Variants in GMPR observed in about 807,000 individuals in gnomAD.
GMPR encodes the protein GMP reductase 1.
GMPR carries 31 observed loss-of-function variants against 38.4 expected under a neutral mutation model. The observed-to-expected ratio is 0.81, with a 90% CI of 0.61 to 1.09. The LOEUF is 1.09. Among genes scored for constraint, GMPR ranks in the 50% least tolerant of loss-of-function variants. GMPR has a pLI of 0.00. For missense variants in GMPR, 468 were observed against 453.7 expected (o/e 1.03, Z -0.29); for synonymous variants, 162 against 173.3 (o/e 0.93, Z 0.51).
chr6:16,254,863 G>A (rs1387055223), intron 4 of GMPR, 128 bp downstream of exon 4: 23 of 653,530 alleles, frequency 3.5e-5, no homozygotes, highest in Non-Finnish European at 6.2e-5. Context: ...AAGATTAATT[G>A]AGGATCATTT....
chr6:16,253,949 C>T (rs914868085), intron 3 of GMPR, among the ~76,000 whole-genome samples: 3 of 149,680 alleles, frequency 2.0e-5, no homozygotes, highest in African/African-American at 7.4e-5. Context: ...TGGGGTTTGG[C>T]GGACGGAACC....
At chr6:16,266,859 C>G (rs1019798017) in intron 4 of GMPR, among the ~76,000 whole-genome samples, 2 of 151,468 alleles carry the variant, frequency 1.3e-5, no homozygotes, top group Admixed American at 1.3e-4. Context: ...CTGAAGTCAG[C>G]GAGACCACGA....
At chr6:16,249,003 A>T (rs542079749) in intron 2 of GMPR, among the ~76,000 whole-genome samples, 2 of 152,262 alleles carry the variant, frequency 1.3e-5, no homozygotes, top group East Asian at 3.9e-4. Flanking sequence ...TACTAAAGTC[A>T]TAGAAGTTTA....
At chr6:16,243,767 G>A (rs1177425824) in intron 1 of GMPR, among the ~76,000 whole-genome samples, 2 of 152,096 alleles carry the variant, frequency 1.3e-5, no homozygotes, top group South Asian at 2.1e-4. Flanking sequence ...TGTTCCTTAG[G>A]CCACGCTCCA....
intron 1 of GMPR, among the ~76,000 whole-genome samples, chr6:16,240,857 CG>C (rs1291527762): frequency 6.6e-6 from 1 of 152,090 alleles, no homozygotes; most frequent in Non-Finnish European, 1.5e-5. Flanking sequence ...TTGCCAGCCA[CG>C]GGCCTGGAGA....
chr6:16,265,597 CTG>C (rs1759180392), intron 4 of GMPR, among the ~76,000 whole-genome samples: 1 of 145,308 alleles, frequency 6.9e-6, no homozygotes, highest in African/African-American at 2.4e-5. Flanking sequence ...AATCAGCACT[CTG>C]TAAAAATAGC....
rs1759578419 is a variant in GMPR, at chr6:16,281,730, G to T, written c.654+2840G>T. On this transcript the variant is annotated intron_variant, in intron 6 of 8. Transcript: ENST00000259727. ...TCACCATGCTGGCCAGGCTGGTCTC[G>T]AACTCCTGACCTCATGATCCGCCCG... Among the ~76,000 whole-genome samples the T allele has an allele frequency of 2.6e-5, 4 of 151,572 alleles. No individual in the cohort carries two copies. In the South Asian group the frequency reaches 6.3e-4, roughly 24 times the overall value.
intron 4 of GMPR, among the ~76,000 whole-genome samples, chr6:16,256,818 C>T (rs1023410565): frequency 1.3e-5 from 2 of 152,206 alleles, no homozygotes; most frequent in African/African-American, 4.8e-5. Context: ...ATTGCTGACA[C>T]AGAGCTTCTA....
At chr6:16,266,555 C>T (rs1428932132) in intron 4 of GMPR, among the ~76,000 whole-genome samples, 1 of 151,364 alleles carries the variant, frequency 6.6e-6, no homozygotes. Context: ...GTAATCCTGG[C>T]ACTTTGGGAG....
At chr6:16,244,500 C>A (rs1198648263) in intron 1 of GMPR, among the ~76,000 whole-genome samples, 1 of 152,154 alleles carries the variant, frequency 6.6e-6, no homozygotes, top group Non-Finnish European at 1.5e-5. Flanking sequence ...GTGTGAGCTA[C>A]CACGCCAGCC....
At chr6:16,256,367 A>AAG (rs2113676262) in intron 4 of GMPR, among the ~76,000 whole-genome samples, 1 of 118,084 alleles carries the variant, frequency 8.5e-6, no homozygotes, top group African/African-American at 3.2e-5. Flanking sequence ...AAAAAAAAAA[A>AAG]AAAAATAGAA....
intron 4 of GMPR, among the ~76,000 whole-genome samples, chr6:16,255,214 T>C (rs986635876): frequency 2.0e-5 from 3 of 152,108 alleles, no homozygotes; most frequent in Non-Finnish European, 4.4e-5. Context: ...GGTTGCACCA[T>C]GTTGGCCAGG....
At chr6:16,244,162 T>TA (rs1286302103) in intron 1 of GMPR, among the ~76,000 whole-genome samples, 2 of 151,832 alleles carry the variant, frequency 1.3e-5, no homozygotes, top group Non-Finnish European at 2.9e-5. Context: ...TCGTTGGACT[T>TA]ACCACATTGA....
chr6:16,250,502 G>A, intron 3 of GMPR, 135 bp downstream of exon 3: 1 of 652,774 alleles, frequency 1.5e-6, no homozygotes, highest in Non-Finnish European at 2.8e-6. Flanking sequence ...GCCATTGCCA[G>A]GGATTTGCTG....
chr6:16,244,466 C>T (rs1468051526), intron 1 of GMPR, among the ~76,000 whole-genome samples: 2 of 152,138 alleles, frequency 1.3e-5, no homozygotes, highest in African/African-American at 2.4e-5. Flanking sequence ...CCTGCCTCAG[C>T]CTCCCACGGT....
chr6:16,257,372 T>C (rs547184329), intron 4 of GMPR, among the ~76,000 whole-genome samples: 6 of 152,178 alleles, frequency 3.9e-5, no homozygotes, highest in Admixed American at 3.9e-4. Flanking sequence ...TGGTAAACAT[T>C]CCATAAGTGG....
At chr6:16,241,038 T>G (rs1468273964) in intron 1 of GMPR, among the ~76,000 whole-genome samples, 1 of 152,180 alleles carries the variant, frequency 6.6e-6, no homozygotes, top group Non-Finnish European at 1.5e-5. Context: ...TTTCTCAGTT[T>G]GCTTGTTGAT....
At chr6:16,241,091 A>C (rs1024495350) in intron 1 of GMPR, among the ~76,000 whole-genome samples, 31 of 152,060 alleles carry the variant, frequency 2.0e-4, no homozygotes, top group African/African-American at 7.5e-4. Flanking sequence ...TTCCTTGCAC[A>C]ATCAGAAGCT....
At chr6:16,263,310 G>A (rs1050658983) in intron 4 of GMPR, 2 of 151,888 alleles carry the variant, frequency 1.3e-5, no homozygotes. Context: ...GCCATTTTCC[G>A]GCTATTTGGA....
Sources: gnomAD v4.1 joint callset for allele counts (sites outside exome capture counted in the v4.1 genomes callset) on GRCh38, gnomAD v4.1.1 for gene constraint, MANE v1.5 for transcripts, NCBI Gene and HGNC (gene_info 2026-07-23, HGNC 2026-07-21) for gene names.